Variants in CATSPER3 observed in about 807,000 individuals in gnomAD.
The protein encoded by CATSPER3 is cation channel sperm-associated protein 3.
Under a neutral mutation model 36.6 loss-of-function variants are expected in CATSPER3, and 23 were observed. The ratio of observed to expected loss-of-function variants is 0.63; its 90% CI spans 0.45 to 0.89. The LOEUF is 0.89. Among genes scored for constraint, CATSPER3 ranks in the 40% least tolerant of loss-of-function variants. CATSPER3 has a pLI of 0.00. For missense variants in CATSPER3, 474 were observed against 503.9 expected, an observed-to-expected ratio of 0.94 and a Z score of 0.57; for synonymous variants, 172 against 184.1, an observed-to-expected ratio of 0.93 and a Z score of 0.53.
chr5:134,984,199 A>G (rs763986313), intron 2 of CATSPER3, among the ~76,000 whole-genome samples: 2 of 152,202 alleles, frequency 1.3e-5, no homozygotes, highest in Non-Finnish European at 1.5e-5. Context: ...GCAACCTGGG[A>G]AAAACTCTTC....
intron 2 of CATSPER3, among the ~76,000 whole-genome samples, chr5:134,991,431 G>A (rs1222653693): frequency 6.6e-6 from 1 of 152,166 alleles, no homozygotes; most frequent in Non-Finnish European, 1.5e-5. Context: ...CATGGTACTA[G>A]CAATAGGATA....
intron 2 of CATSPER3, among the ~76,000 whole-genome samples, chr5:134,985,915 A>C (rs1404947821): frequency 6.6e-6 from 1 of 151,814 alleles, no homozygotes; most frequent in Non-Finnish European, 1.5e-5. Flanking sequence ...ACAAACTGAC[A>C]AAATCCCCCC....
At chr5:134,987,204 G>T (rs1751822312) in intron 2 of CATSPER3, among the ~76,000 whole-genome samples, 1 of 152,040 alleles carries the variant, frequency 6.6e-6, no homozygotes, top group Non-Finnish European at 1.5e-5. Flanking sequence ...AAGCAAAAAG[G>T]GTTATAGGAG....
chr5:134,981,270 C>G (rs1561458911), intron 2 of CATSPER3, among the ~76,000 whole-genome samples: 1 of 152,072 alleles, frequency 6.6e-6, no homozygotes, highest in Non-Finnish European at 1.5e-5. Context: ...GCAGGCAGAT[C>G]ACTTGAGGTC....
At chr5:135,004,244 T>C (rs1752056783) in intron 3 of CATSPER3, among the ~76,000 whole-genome samples, 1 of 152,230 alleles carries the variant, frequency 6.6e-6, no homozygotes, top group Non-Finnish European at 1.5e-5. Flanking sequence ...TTCATTCCTG[T>C]CACCATCAGC....
At chr5:134,977,854 G>T (rs1471884131) in intron 2 of CATSPER3, among the ~76,000 whole-genome samples, 1 of 152,202 alleles carries the variant, frequency 6.6e-6, no homozygotes, top group African/African-American at 2.4e-5. Flanking sequence ...GTCCCAGGAA[G>T]CTTACATGGT....
chr5:135,009,407 G>C lies in CATSPER3; in HGVS notation c.853G>C (p.Glu285Gln), dbSNP rs773350193. ...AAAGTTTGAGCGAGAGCTGATGTTG[G>C]AGCAGCAGGAGATGCTCATGGGAGA... ...IRKFERELML[E>Q]QQEMLMGEKQ... Residue 285 changes from glutamate to glutamine, a missense_variant, in exon 6 of 8, where the codon GAG becomes CAG. By Grantham distance (29) the Glu-to-Gln change is conservative. Transcript: ENST00000282611. The C allele has an allele frequency of 7.4e-6, 12 of 1,613,224 alleles. No homozygotes were observed. The African/African-American group carries it at 9.3e-5, about 13-fold the overall frequency.
chr5:134,983,507 C>T (rs1230775676), intron 2 of CATSPER3, among the ~76,000 whole-genome samples: 3 of 152,148 alleles, frequency 2.0e-5, no homozygotes, highest in Non-Finnish European at 4.4e-5. Context: ...ACACTGCAAT[C>T]TGGGTGACAG....
chr5:134,970,953 C>CT (rs908728602), intron 2 of CATSPER3, among the ~76,000 whole-genome samples: 8 of 151,034 alleles, frequency 5.3e-5, no homozygotes, highest in Non-Finnish European at 7.4e-5. Context: ...TCCTATCTCT[C>CT]TTTTTTTTTG....
intron 2 of CATSPER3, among the ~76,000 whole-genome samples, chr5:134,971,263 TAA>T (rs753754526): frequency 6.8e-6 from 1 of 146,276 alleles, no homozygotes; most frequent in Non-Finnish European, 1.5e-5. Flanking sequence ...CCATCTCTAT[TAA>T]AAAAAAAAAG....
chr5:134,994,380 A>G (rs1198956243), intron 2 of CATSPER3, among the ~76,000 whole-genome samples: 1 of 152,254 alleles, frequency 6.6e-6, no homozygotes, highest in Non-Finnish European at 1.5e-5. Context: ...ATACTATTTC[A>G]TATTTGTCAC....
intron 2 of CATSPER3, among the ~76,000 whole-genome samples, chr5:134,979,210 C>T (rs1021509731): frequency 6.6e-6 from 1 of 152,088 alleles, no homozygotes. Context: ...GATCACAGAT[C>T]GTTGCAGCCT....
At chr5:134,971,011 G>A (rs1016806345) in intron 2 of CATSPER3, among the ~76,000 whole-genome samples, 1 of 151,738 alleles carries the variant, frequency 6.6e-6, no homozygotes, top group Admixed American at 6.6e-5. Context: ...GTGCAGTGGC[G>A]CAATCTCGGC....
At position 135,008,859 on chromosome 5, in the gene CATSPER3, C is replaced by A. The variant is rs1338946176; in HGVS notation, c.694C>A (p.Leu232Met). The change falls in exon 5 of 8, where the codon CTG becomes ATG. Residue 232 changes from leucine to methionine, a missense_variant. By Grantham distance (15) the Leu-to-Met change is conservative. Transcript: ENST00000282611. ...TGAGCAGGTTGATGGCTGGACAGAC[C>A]TGCAGAAGCAGTTGGACAATCGGGA... ...SLATVDGWTD[L>M]QKQLDNREFA... is the part of the protein sequence containing the mutation. 1 of 1,614,118 alleles carries A rather than the reference C, an allele frequency of 6.2e-7. No homozygotes were observed. The highest frequency in any genetic ancestry group is 8.5e-7 in the Non-Finnish European group (1 of 1,180,010).
intron 2 of CATSPER3, chr5:134,995,817 G>A (rs1751937953): frequency 4.2e-6 from 1 of 237,028 alleles, no homozygotes; most frequent in African/African-American, 2.2e-5. Context: ...CGTTCATAAA[G>A]TGTAAAAGAA....
At chr5:134,968,150 G>A in intron 1 of CATSPER3, 61 bp downstream of exon 1, 2 of 1,176,628 alleles carry the variant, frequency 1.7e-6, no homozygotes, top group South Asian at 1.2e-5. Flanking sequence ...GTGAGGGCAG[G>A]GTGTCAGTGT....
At chr5:135,004,087 C>T (rs1236472573) in intron 3 of CATSPER3, among the ~76,000 whole-genome samples, 5 of 152,254 alleles carry the variant, frequency 3.3e-5, no homozygotes, top group Admixed American at 3.3e-4. Context: ...ATTCAGCCAT[C>T]ATCTCCTCCA....
intron 3 of CATSPER3, among the ~76,000 whole-genome samples, chr5:135,007,548 G>A (rs996801150): frequency 2.6e-5 from 4 of 152,184 alleles, no homozygotes; most frequent in Non-Finnish European, 4.4e-5. Context: ...TCCCAGAGTC[G>A]TTCCCCTACT....
intron 2 of CATSPER3, among the ~76,000 whole-genome samples, chr5:134,970,362 T>C (rs913821670): frequency 6.6e-6 from 1 of 152,084 alleles, no homozygotes; most frequent in Non-Finnish European, 1.5e-5. Context: ...GGTTTCACCT[T>C]CTTGGCCAGG....
Sources: gnomAD v4.1 joint callset for allele counts (sites outside exome capture counted in the v4.1 genomes callset) on GRCh38, gnomAD v4.1.1 for gene constraint, MANE v1.5 for transcripts, NCBI Gene and HGNC (gene_info 2026-07-23, HGNC 2026-07-21) for gene names.